The following RBFOX3 variants were observed in gnomAD, a reference collection of about 807,000 sequenced individuals.
The protein encoded by RBFOX3 is RNA binding fox-1 homolog 3.
A neutral mutation model predicts 48.7 loss-of-function variants in RBFOX3; 17 were observed. The observed-to-expected ratio is 0.35, with a 90% confidence interval of 0.24 to 0.52. The LOEUF is 0.52. RBFOX3 is among the 20% of genes least tolerant of loss of function. RBFOX3 has a pLI of 0.94. For synonymous variants in RBFOX3, 212 were observed against 209.5 expected (o/e 1.01, Z -0.10); for missense variants, 382 against 497.5 (o/e 0.77, Z 2.21).
At chr17:79,237,830 G>A (rs1294888400) in intron 3 of RBFOX3, among the ~76,000 whole-genome samples, 1 of 152,234 alleles carries the variant, frequency 6.6e-6, no homozygotes, top group Non-Finnish European at 1.5e-5. Context: ...ACAAAATGAC[G>A]CTGAGAAGGG....
At position 79,430,630 on chromosome 17, in the gene RBFOX3, C is replaced by T. The variant is rs186657250; in HGVS notation, c.-175+51824G>A. 4.7e-4 allele frequency among the ~76,000 whole-genome samples: 72 copies of T among 152,358 alleles called. 1 individual carries two copies. The East Asian group carries it at 8.9e-3, about 19-fold the overall frequency. On this transcript the variant is annotated intron_variant, in intron 2 of 14. Transcript: ENST00000693108. ...GCGCCATCTCAGCTCACTGCAACCA[C>T]CGCCTCCGGGTTCAAGCGATTCTCC...
chr17:79,208,107 A>G (rs1165533927), intron 4 of RBFOX3, among the ~76,000 whole-genome samples: 2 of 151,758 alleles, frequency 1.3e-5, no homozygotes, highest in Non-Finnish European at 2.9e-5. Flanking sequence ...ATTTACAGTC[A>G]CTGCAGAAAC....
At chr17:79,456,125 A>C (rs1226010894) in intron 2 of RBFOX3, among the ~76,000 whole-genome samples, 1 of 152,004 alleles carries the variant, frequency 6.6e-6, no homozygotes, top group Admixed American at 6.6e-5. Context: ...CCCAAGCCTG[A>C]AGGACATCAC....
intron 2 of RBFOX3, among the ~76,000 whole-genome samples, chr17:79,422,693 C>T (rs1555723281): frequency 8.9e-5 from 1 of 11,224 alleles, no homozygotes; most frequent in Non-Finnish European, 2.6e-3. Context: ...CCGGGGTGCA[C>T]CCTGGCTCTT....
chr17:79,518,057 T>TC (rs2085507303), intron 1 of RBFOX3, among the ~76,000 whole-genome samples: 1 of 152,210 alleles, frequency 6.6e-6, no homozygotes, highest in Non-Finnish European at 1.5e-5. Flanking sequence ...GGCTACATCC[T>TC]CCGTCTCTCC....
chr17:79,517,840 C>G (rs1052357031), intron 1 of RBFOX3, among the ~76,000 whole-genome samples: 1 of 152,206 alleles, frequency 6.6e-6, no homozygotes, highest in Non-Finnish European at 1.5e-5. Flanking sequence ...CTGGCAACTT[C>G]AGGAGCCGCC....
At chr17:79,628,607 C>T in the RBFOX3 span, among the ~76,000 whole-genome samples, 2 of 152,116 alleles carry the variant, frequency 1.3e-5, no homozygotes, top group Non-Finnish European at 2.9e-5. Context: ...TTGAGGGGCA[C>T]TCGGTGCATT....
chr17:79,493,293 C>T (rs2080966955), intron 1 of RBFOX3, among the ~76,000 whole-genome samples: 1 of 152,162 alleles, frequency 6.6e-6, no homozygotes, highest in Non-Finnish European at 1.5e-5. Flanking sequence ...CAATCACCTC[C>T]CACCAGGCCC....
At chr17:79,387,289 C>G (rs1350373914) in intron 2 of RBFOX3, among the ~76,000 whole-genome samples, 2 of 152,202 alleles carry the variant, frequency 1.3e-5, no homozygotes, top group African/African-American at 4.8e-5. Context: ...TCTGAGTGTG[C>G]TTTTCATCAC....
the RBFOX3 span, among the ~76,000 whole-genome samples, chr17:79,640,386 G>C: frequency 0.95 from 144,377 of 152,258 alleles, 68,813 homozygotes; most frequent in Non-Finnish European, 1. Flanking sequence ...CACCTACCAC[G>C]CAAAGTGATC....
intron 1 of RBFOX3, among the ~76,000 whole-genome samples, chr17:79,505,088 G>C (rs2082902249): frequency 6.6e-6 from 1 of 152,142 alleles, no homozygotes; most frequent in Non-Finnish European, 1.5e-5. Context: ...TGAGGCCCAG[G>C]GCAGGCAGAG....
intron 2 of RBFOX3, among the ~76,000 whole-genome samples, chr17:79,441,153 G>A (rs1183969085): frequency 1.3e-5 from 2 of 152,230 alleles, no homozygotes; most frequent in African/African-American, 4.8e-5. Context: ...CCTGGGGCAG[G>A]GTCATCAGGA....
At chr17:79,507,267 G>A (rs1018687056) in intron 1 of RBFOX3, among the ~76,000 whole-genome samples, 39 of 152,260 alleles carry the variant, frequency 2.6e-4, no homozygotes, top group Non-Finnish European at 5.0e-4. Context: ...CACTGGCTGC[G>A]CCCACACCAC....
intron 2 of RBFOX3, among the ~76,000 whole-genome samples, chr17:79,449,792 AGTG>A (rs2073116471): frequency 6.6e-6 from 1 of 152,092 alleles, no homozygotes; most frequent in Non-Finnish European, 1.5e-5. Context: ...AAGAAAGGAG[AGTG>A]GTCTGGGCAG....
At chr17:79,562,798 AG>A (rs1418990165) in intron 1 of RBFOX3, among the ~76,000 whole-genome samples, 2 of 152,202 alleles carry the variant, frequency 1.3e-5, no homozygotes, top group African/African-American at 4.8e-5. Flanking sequence ...TCCAGATAAA[AG>A]GAGCAGGGAC....
At chr17:79,151,903 G>A (rs550743642) in intron 4 of RBFOX3, among the ~76,000 whole-genome samples, 1 of 111,808 alleles carries the variant, frequency 8.9e-6, no homozygotes, top group South Asian at 3.1e-4. Context: ...CCTGCAGGGG[G>A]AGGAGGGGAG....
At chr17:79,468,396 G>T (rs956562141) in intron 2 of RBFOX3, among the ~76,000 whole-genome samples, 2 of 152,110 alleles carry the variant, frequency 1.3e-5, no homozygotes, top group African/African-American at 2.4e-5. Context: ...ACAGATGATG[G>T]ATGGATGGAC....
intron 1 of RBFOX3, among the ~76,000 whole-genome samples, chr17:79,526,508 C>T (rs1013039272): frequency 6.6e-6 from 1 of 152,228 alleles, no homozygotes; most frequent in South Asian, 2.1e-4. Context: ...CTGAATGCCC[C>T]GAGTGGTCCC....
Position 79,199,023 on chromosome 17 carries a change from C to A in RBFOX3, c.-34+36743G>T, listed in dbSNP as rs2056277092. Among the ~76,000 whole-genome samples the A allele has an allele frequency of 6.6e-6, 1 of 152,166 alleles. No individual in the cohort carries two copies. Among genetic ancestry groups the A allele is most frequent in the East Asian group, 1.9e-4 (1 of 5,196 alleles). ...CTGAGTTTGTGAGGCTGAACATTGC[C>A]TGTAACTCAGTTGTGAGGCTGTTGA... is the stretch of plus-strand genomic sequence containing the variant. On this transcript the variant is annotated intron_variant, in intron 4 of 14. Coordinates refer to ENST00000693108, the MANE Select transcript of RBFOX3 (RefSeq NM_001350451.2). The surrounding 1 kb of genome is among the most constrained non-coding windows in gnomAD (Gnocchi z 5.1).
Sources: gnomAD v4.1 joint callset for allele counts (sites outside exome capture counted in the v4.1 genomes callset) on GRCh38, gnomAD v4.1.1 for gene constraint, Gnocchi (gnomAD v3.1) non-coding constraint, MANE v1.5 for transcripts, NCBI Gene and HGNC (gene_info 2026-07-23, HGNC 2026-07-21) for gene names.